Variants in JAKMIP2 observed in about 807,000 individuals in gnomAD.
The protein encoded by JAKMIP2 is janus kinase and microtubule-interacting protein 2.
In JAKMIP2, 25 loss-of-function variants were observed where a neutral mutation model predicts 115.0. The observed-to-expected ratio is 0.22, with a 90% CI of 0.16 to 0.30. The LOEUF is 0.30. Among genes scored for constraint, JAKMIP2 ranks in the 10% least tolerant of loss-of-function variants. The probability of loss-of-function intolerance (pLI) is 1.00; values close to 1 mark genes in which losing one functional copy is unlikely to be tolerated. For synonymous variants in JAKMIP2, 334 were observed against 343.6 expected, an observed-to-expected ratio of 0.97 and a Z score of 0.31; for missense variants, 642 against 957.6, an observed-to-expected ratio of 0.67 and a Z score of 4.35.
At chr5:147,606,364 G>A (rs1007445483) in intron 20 of JAKMIP2, among the ~76,000 whole-genome samples, 3 of 152,156 alleles carry the variant, frequency 2.0e-5, no homozygotes, top group African/African-American at 7.2e-5. Context: ...TTCGTATAAG[G>A]TGTAAGGAAG....
At chr5:147,655,104 T>C (rs1353129735) in intron 3 of JAKMIP2, among the ~76,000 whole-genome samples, 27 of 152,082 alleles carry the variant, frequency 1.8e-4, no homozygotes, top group Non-Finnish European at 2.9e-4. Context: ...ATTTGGTTTG[T>C]CAGTATTTTA....
chr5:147,734,147 T>C (rs764482408), intron 1 of JAKMIP2, among the ~76,000 whole-genome samples: 73 of 151,870 alleles, frequency 4.8e-4, no homozygotes, highest in Non-Finnish European at 9.9e-4. Context: ...AATAAACATA[T>C]GAAAAAAAGC....
At chr5:147,631,385 A>C in intron 14 of JAKMIP2, 28 bp downstream of exon 14, 1 of 1,446,614 alleles carries the variant, frequency 6.9e-7, no homozygotes, top group South Asian at 1.3e-5. Context: ...TAATTTCTAC[A>C]AACATAAAAA....
At chr5:147,623,203 C>A (rs1756931890) in intron 17 of JAKMIP2, among the ~76,000 whole-genome samples, 1 of 150,584 alleles carries the variant, frequency 6.6e-6, no homozygotes, top group African/African-American at 2.5e-5. Context: ...TGAGCCACTG[C>A]ACTAGGTCTT....
chr5:147,639,907 A>G (rs1757798489), intron 9 of JAKMIP2, 147 bp from the exon 10 acceptor site: 2 of 769,458 alleles, frequency 2.6e-6, no homozygotes, highest in Admixed American at 2.8e-5. Flanking sequence ...TCTGAAGTGT[A>G]TATACGGGCA....
At chr5:147,624,056 A>T (rs1019341308) in intron 16 of JAKMIP2, among the ~76,000 whole-genome samples, 5 of 151,774 alleles carry the variant, frequency 3.3e-5, no homozygotes, top group African/African-American at 1.2e-4. Context: ...GCTGGTCTTG[A>T]ACTCTTGACC....
chr5:147,644,749 A>C, intron 6 of JAKMIP2, 101 bp downstream of exon 6: 1 of 1,061,110 alleles, frequency 9.4e-7, no homozygotes, highest in Non-Finnish European at 1.4e-6. Flanking sequence ...AAATCCAAAT[A>C]GCACTGTATT....
At chr5:147,687,526 A>G (rs756606965) in intron 1 of JAKMIP2, among the ~76,000 whole-genome samples, 41 of 152,228 alleles carry the variant, frequency 2.7e-4, no homozygotes, top group Non-Finnish European at 5.0e-4. Context: ...GGTCCTGGCA[A>G]TAAAGAAGAA....
At chr5:147,667,830 G>A (rs937322287) in intron 2 of JAKMIP2, among the ~76,000 whole-genome samples, 1 of 152,144 alleles carries the variant, frequency 6.6e-6, no homozygotes, top group African/African-American at 2.4e-5. Context: ...TGGAGGCTGT[G>A]GGGACAGTCA....
At chr5:147,738,470 C>T (rs887291365) in intron 1 of JAKMIP2, among the ~76,000 whole-genome samples, 5 of 152,124 alleles carry the variant, frequency 3.3e-5, no homozygotes, top group African/African-American at 1.2e-4. Flanking sequence ...ATAACATTAA[C>T]AAGACCTTCC....
chr5:147,732,586 T>C (rs545999978), intron 1 of JAKMIP2, among the ~76,000 whole-genome samples: 1 of 152,252 alleles, frequency 6.6e-6, no homozygotes, highest in African/African-American at 2.4e-5. Flanking sequence ...TGTATTCAGA[T>C]AGTAATAATG....
At chr5:147,645,120 G>T in intron 5 of JAKMIP2, 124 bp from the exon 6 acceptor site, 1 of 794,632 alleles carries the variant, frequency 1.3e-6, no homozygotes, top group Non-Finnish European at 2.0e-6. Flanking sequence ...TGTGGCTGAG[G>T]ACTGACCACT....
At chr5:147,739,294 T>A (rs1231781370) in intron 1 of JAKMIP2, among the ~76,000 whole-genome samples, 7 of 152,068 alleles carry the variant, frequency 4.6e-5, no homozygotes, top group Non-Finnish European at 8.8e-5. Flanking sequence ...GTAACTGCAT[T>A]CTCTCTCATT....
chr5:147,714,973 GGATT>G (rs748129124), intron 1 of JAKMIP2, among the ~76,000 whole-genome samples: 16 of 152,066 alleles, frequency 1.1e-4, no homozygotes, highest in Non-Finnish European at 1.8e-4. Flanking sequence ...AAAAGAACAT[GGATT>G]ATTAACAATA....
At chr5:147,700,984 G>A (rs1247301637) in intron 1 of JAKMIP2, among the ~76,000 whole-genome samples, 2 of 152,134 alleles carry the variant, frequency 1.3e-5, no homozygotes, top group Non-Finnish European at 2.9e-5. Flanking sequence ...TGTGGTTGGA[G>A]GAAGGTATAA....
intron 1 of JAKMIP2, among the ~76,000 whole-genome samples, chr5:147,768,838 G>A (rs1195496909): frequency 3.3e-5 from 5 of 152,250 alleles, no homozygotes; most frequent in Non-Finnish European, 7.4e-5. Flanking sequence ...GTGGCTGAAT[G>A]GGAGACACAT....
At chr5:147,665,902 C>A (rs1759275080) in intron 2 of JAKMIP2, among the ~76,000 whole-genome samples, 1 of 152,156 alleles carries the variant, frequency 6.6e-6, no homozygotes, top group Non-Finnish European at 1.5e-5. Flanking sequence ...CAACTCAAAG[C>A]TTTTGCCTGA....
At chr5:147,637,450 T>C (rs1008619953) in intron 10 of JAKMIP2, among the ~76,000 whole-genome samples, 1 of 145,958 alleles carries the variant, frequency 6.9e-6, no homozygotes, top group African/African-American at 2.5e-5. Flanking sequence ...TTTTTTTTTT[T>C]TTTTTTTGAG....
intron 1 of JAKMIP2, among the ~76,000 whole-genome samples, chr5:147,686,163 A>G (rs957090083): frequency 6.6e-6 from 1 of 152,214 alleles, no homozygotes; most frequent in African/African-American, 2.4e-5. Context: ...AGAACCAGCC[A>G]TTAGTCACAG....
Sources: gnomAD v4.1 joint callset for allele counts (sites outside exome capture counted in the v4.1 genomes callset) on GRCh38, gnomAD v4.1.1 for gene constraint, MANE v1.5 for transcripts, NCBI Gene and HGNC (gene_info 2026-07-23, HGNC 2026-07-21) for gene names.